BTG4: variants seen among roughly 807,000 people sequenced by gnomAD.
BTG4 encodes BTG anti-proliferation factor 4, also known as protein BTG4.
BTG4 carries 10 observed loss-of-function variants against 19.3 expected under a neutral mutation model. The observed-to-expected ratio is 0.52, with a 90% CI of 0.32 to 0.88. BTG4 has a LOEUF of 0.88. Among genes scored for constraint, BTG4 ranks in the 40% least tolerant of loss-of-function variants. The pLI, the probability that BTG4 is intolerant of heterozygous loss-of-function variation, is 0.04. For missense variants in BTG4, 238 were observed against 281.9 expected (o/e 0.84, Z 1.11); for synonymous variants, 91 against 95.7 (o/e 0.95, Z 0.29).
At chr11:111,447,583 C>A in the BTG4 span, among the ~76,000 whole-genome samples, 2 of 152,160 alleles carry the variant, frequency 1.3e-5, no homozygotes, top group Non-Finnish European at 2.9e-5. Context: ...CGCATGCACA[C>A]ACACCCCACC....
the BTG4 span, among the ~76,000 whole-genome samples, chr11:111,439,876 C>T: frequency 5.9e-5 from 9 of 152,286 alleles, no homozygotes; most frequent in East Asian, 7.7e-4. Flanking sequence ...CATATTGATG[C>T]GGGAATTGGA....
intron 5 of BTG4, among the ~76,000 whole-genome samples, chr11:111,484,456 T>G (rs185427180): frequency 9.9e-5 from 15 of 152,102 alleles, no homozygotes; most frequent in Admixed American, 9.2e-4. Flanking sequence ...TATAAAAAGA[T>G]AAATAAAGAG....
the BTG4 span, chr11:111,456,568 T>C: frequency 1.3e-5 from 6 of 456,302 alleles, no homozygotes; most frequent in East Asian, 4.2e-4. The surrounding 1 kb of genome is among the most constrained non-coding windows in gnomAD (Gnocchi z 4.2). Context: ...CGTCACCAAG[T>C]TGATGGTCCC....
the BTG4 span, among the ~76,000 whole-genome samples, chr11:111,409,824 A>G: frequency 6.6e-6 from 1 of 152,188 alleles, no homozygotes; most frequent in Non-Finnish European, 1.5e-5. Flanking sequence ...TAGTAGGAAA[A>G]AAAGCAATTT....
chr11:111,397,842 C>T, the BTG4 span: 1 of 152,124 alleles, frequency 6.6e-6, no homozygotes, highest in Non-Finnish European at 1.5e-5. Flanking sequence ...TGTTTTCAGG[C>T]CATAAAGACA....
chr11:111,405,877 A>G, the BTG4 span, among the ~76,000 whole-genome samples: 1 of 152,220 alleles, frequency 6.6e-6, no homozygotes, highest in East Asian at 1.9e-4. Context: ...TGTGAGGATT[A>G]AATATGTGTA....
intron 5 of BTG4, among the ~76,000 whole-genome samples, chr11:111,477,569 AATACAC>A (rs1462857961): frequency 6.6e-6 from 1 of 152,168 alleles, no homozygotes; most frequent in Non-Finnish European, 1.5e-5. Context: ...ATCCCTGGGC[AATACAC>A]ATAAAAGAAA....
In BTG4 at chr11:111,475,432, G is replaced by A. The variant is rs574509578; in HGVS notation, c.663-7751C>T. On this transcript the variant is annotated intron_variant, in intron 5 of 5. Transcript: ENST00000356018. ...ATATGTCATTATTCAATCAGGCTAA[G>A]GTTGTCTATTACTGAATCACAAAGT... 4 of 151,974 alleles carry A rather than the reference G, an allele frequency of 2.6e-5. No homozygotes were observed. The East Asian group carries it at 7.7e-4, about 29-fold the overall frequency. The allele number at this position is 151,974 out of a possible 1,614,324, so 9.4% of individuals were successfully genotyped here.
chr11:111,427,272 G>A, the BTG4 span, among the ~76,000 whole-genome samples: 1 of 152,134 alleles, frequency 6.6e-6, no homozygotes. Context: ...TCTGGAAAAA[G>A]GCAGCCACAT....
chr11:111,424,914 T>C, the BTG4 span, among the ~76,000 whole-genome samples: 1 of 152,160 alleles, frequency 6.6e-6, no homozygotes, highest in Non-Finnish European at 1.5e-5. Flanking sequence ...AGCCAGGCTG[T>C]ATTAGGTACT....
chr11:111,472,166 T>C (rs1864107153), intron 5 of BTG4, among the ~76,000 whole-genome samples: 1 of 152,172 alleles, frequency 6.6e-6, no homozygotes, highest in African/African-American at 2.4e-5. Context: ...ATCTGCTGTG[T>C]CTCCCCAATT....
At chr11:111,445,006 C>A in the BTG4 span, among the ~76,000 whole-genome samples, 4 of 152,268 alleles carry the variant, frequency 2.6e-5, no homozygotes, top group East Asian at 7.7e-4. Context: ...AGGACAAAGA[C>A]AATAGATATT....
chr11:111,439,364 G>A, the BTG4 span, among the ~76,000 whole-genome samples: 2 of 152,208 alleles, frequency 1.3e-5, no homozygotes. Context: ...TGCACTGTTT[G>A]TGTGAGCTCA....
At chr11:111,470,904 G>C (rs1334312346) in intron 5 of BTG4, among the ~76,000 whole-genome samples, 4 of 152,094 alleles carry the variant, frequency 2.6e-5, no homozygotes, top group Non-Finnish European at 4.4e-5. Context: ...ACTCTAGCCT[G>C]GGCAACAGAG....
At chr11:111,512,688 T>G, upstream of BTG4, among the ~76,000 whole-genome samples, 1 of 151,630 alleles carries the variant, frequency 6.6e-6, no homozygotes, top group African/African-American at 2.4e-5. Flanking sequence ...CTCCTGGGGG[T>G]CATGGGGGTC....
chr11:111,487,382 G>A (rs73553297), intron 5 of BTG4, among the ~76,000 whole-genome samples: 5,408 of 151,962 alleles, frequency 0.036, 326 homozygotes, highest in African/African-American at 0.12. Flanking sequence ...AATTTTGATC[G>A]ATGCTGAAAA....
chr11:111,463,622 G>C (rs1591430254), downstream of BTG4: 1 of 152,528 alleles, frequency 6.6e-6, no homozygotes, highest in East Asian at 1.9e-4. Flanking sequence ...AAGAACATTA[G>C]AGGAACCAAA....
chr11:111,412,746 T>C, the BTG4 span, among the ~76,000 whole-genome samples: 2 of 152,042 alleles, frequency 1.3e-5, no homozygotes, highest in East Asian at 3.8e-4. Context: ...AGCTAGCAAA[T>C]AGCAACACCT....
the BTG4 span, among the ~76,000 whole-genome samples, chr11:111,438,175 G>A: frequency 1.4e-4 from 21 of 152,210 alleles, no homozygotes; most frequent in Admixed American, 1.3e-3. Context: ...GGTCTCTGGT[G>A]TCACCCTGAT....
Sources: gnomAD v4.1 joint callset for allele counts (sites outside exome capture counted in the v4.1 genomes callset) on GRCh38, gnomAD v4.1.1 for gene constraint, Gnocchi (gnomAD v3.1) non-coding constraint, MANE v1.5 for transcripts, NCBI Gene and HGNC (gene_info 2026-07-23, HGNC 2026-07-21) for gene names.